EPHA5: variants seen among roughly 807,000 people sequenced by gnomAD.
EPHA5 encodes EPH receptor A5.
Under a neutral mutation model 105.0 loss-of-function variants are expected in EPHA5, and 60 were observed. The ratio of observed to expected loss-of-function variants is 0.57; its 90% CI spans 0.46 to 0.71. The LOEUF is 0.71. Among genes scored for constraint, EPHA5 ranks in the 30% least tolerant of loss-of-function variants. The pLI is 0.00. For synonymous variants in EPHA5, 513 were observed against 449.1 expected (o/e 1.14, Z -1.80); for missense variants, 1,218 against 1,274.7 (o/e 0.96, Z 0.68).
chr4:65,574,667 CACATATATAT>C (rs1190818361), intron 3 of EPHA5, among the ~76,000 whole-genome samples: 13 of 87,206 alleles, frequency 1.5e-4, no homozygotes, highest in Non-Finnish European at 2.4e-4. Context: ...TATATATATA[CACATATATAT>C]ACATATATAT....
At chr4:65,606,145 G>A (rs910319596) in intron 2 of EPHA5, among the ~76,000 whole-genome samples, 2 of 151,982 alleles carry the variant, frequency 1.3e-5, no homozygotes, top group South Asian at 2.1e-4. Context: ...TTTTCCAGAC[G>A]TCATGTAACC....
chr4:65,519,258 C>G (rs1166778339), intron 3 of EPHA5, among the ~76,000 whole-genome samples: 1 of 151,936 alleles, frequency 6.6e-6, no homozygotes, highest in East Asian at 1.9e-4. Context: ...AGCATATAAA[C>G]AGAACCAAAG....
At chr4:65,509,597 A>G (rs571536903) in intron 3 of EPHA5, among the ~76,000 whole-genome samples, 10 of 152,314 alleles carry the variant, frequency 6.6e-5, no homozygotes, top group Non-Finnish European at 1.0e-4. Flanking sequence ...ATTAGACTAT[A>G]TTGTAAAGCA....
At chr4:65,596,893 C>T (rs1448636819) in intron 3 of EPHA5, among the ~76,000 whole-genome samples, 2 of 152,148 alleles carry the variant, frequency 1.3e-5, no homozygotes, top group Non-Finnish European at 2.9e-5. Context: ...GCTCTCTAAT[C>T]CATAATTGCA....
intron 3 of EPHA5, among the ~76,000 whole-genome samples, chr4:65,569,724 T>G (rs1223410252): frequency 2.0e-5 from 3 of 151,684 alleles, no homozygotes; most frequent in African/African-American, 7.2e-5. Flanking sequence ...AGTGAAAAAT[T>G]TTAAAGTTCT....
At chr4:65,600,016 T>TA (rs1323613698) in intron 3 of EPHA5, among the ~76,000 whole-genome samples, 1 of 152,204 alleles carries the variant, frequency 6.6e-6, no homozygotes, top group Non-Finnish European at 1.5e-5. Flanking sequence ...AGTGCTCACA[T>TA]ATTCTCTAAA....
At chr4:65,422,225 G>A (rs1019068507) in intron 5 of EPHA5, among the ~76,000 whole-genome samples, 1 of 152,108 alleles carries the variant, frequency 6.6e-6, no homozygotes, top group African/African-American at 2.4e-5. Flanking sequence ...AATTTCCTCT[G>A]TGACAAGAGC....
At chr4:65,364,931 T>G (rs1717713486) in intron 11 of EPHA5, 86 bp downstream of exon 11, 1 of 1,080,620 alleles carries the variant, frequency 9.3e-7, no homozygotes, top group Non-Finnish European at 1.3e-6. Context: ...TATTACAATC[T>G]TGGTTTCTCT....
chr4:65,578,752 T>C (rs1560726002), intron 3 of EPHA5, among the ~76,000 whole-genome samples: 1 of 152,112 alleles, frequency 6.6e-6, no homozygotes. Context: ...TGAGATTTAA[T>C]ATAAAGATTT....
chr4:65,457,866 A>G (rs1727748349), intron 5 of EPHA5, among the ~76,000 whole-genome samples: 2 of 151,996 alleles, frequency 1.3e-5, no homozygotes, highest in African/African-American at 4.8e-5. Context: ...ATTGCTTAAG[A>G]ATAACTTTTT....
At chr4:65,378,863 T>C (rs1419019166) in intron 8 of EPHA5, among the ~76,000 whole-genome samples, 1 of 151,910 alleles carries the variant, frequency 6.6e-6, no homozygotes, top group East Asian at 1.9e-4. Context: ...CCATAATTGG[T>C]ATTAACTAAC....
At chr4:65,506,133 G>C (rs1478333452) in intron 3 of EPHA5, among the ~76,000 whole-genome samples, 3 of 152,072 alleles carry the variant, frequency 2.0e-5, no homozygotes, top group Non-Finnish European at 4.4e-5. Flanking sequence ...AGTTTGCTGA[G>C]AATGATGGTT....
chr4:65,669,555 T>C lies in EPHA5; in HGVS notation c.181+7A>G. 1 of 1,383,374 alleles carries C rather than the reference T, an allele frequency of 7.2e-7. No homozygotes were observed. Among genetic ancestry groups the C allele is most frequent in the Non-Finnish European group, 9.4e-7 (1 of 1,062,446 alleles). The allele number at this position is 1,383,374 out of a possible 1,614,324, so 85.7% of individuals were successfully genotyped here. The stretch of plus-strand genomic sequence containing the variant: ...GGTCGCCACGGTCCCCACCCCCATC[T>C]CCCTACCTTCGTTGCTGGGGCTGGC... On this transcript the variant is annotated splice_region_variant and intron_variant, in intron 1 of 16. Coordinates refer to ENST00000613740, the MANE Select transcript of EPHA5 (RefSeq NM_001281766.3).
intron 5 of EPHA5, among the ~76,000 whole-genome samples, chr4:65,437,365 T>C (rs1010976459): frequency 2.0e-5 from 3 of 152,040 alleles, no homozygotes; most frequent in Non-Finnish European, 4.4e-5. Context: ...ACTTCCCAAA[T>C]AGGCCTTAAT....
chr4:65,437,937 T>C (rs1725639877), intron 5 of EPHA5, among the ~76,000 whole-genome samples: 1 of 151,996 alleles, frequency 6.6e-6, no homozygotes, highest in African/African-American at 2.4e-5. Context: ...TCCTATGGTG[T>C]CTTATCAGAT....
chr4:65,669,762 G>A lies in EPHA5; in HGVS notation c.-20C>T, dbSNP rs1750305299. 8.0e-7 allele frequency: 1 copy of A among 1,252,180 alleles called. No homozygotes were observed. Among genetic ancestry groups the A allele is most frequent in the African/African-American group, 1.5e-5 (1 of 64,540 alleles). 77.6% of individuals were successfully genotyped at this position (1,252,180 alleles called of 1,614,324 possible). Reference sequence around the variant, plus strand: ...CCGCATCTTCTCCGAGCCTCCTCCGGTGCCGCTGTCCCGAGCGGCTCAGTC... The same window carrying A: ...CCGCATCTTCTCCGAGCCTCCTCCGATGCCGCTGTCCCGAGCGGCTCAGTC... On this transcript the variant is annotated 5_prime_UTR_variant, in exon 1 of 17. Coordinates refer to ENST00000613740, the MANE Select transcript of EPHA5 (RefSeq NM_001281766.3).
At position 65,586,294 on chromosome 4, in the gene EPHA5, C is replaced by T. The variant is rs547189662; in HGVS notation, c.910+15347G>A. On this transcript the variant is annotated intron_variant, in intron 3 of 16. Transcript: ENST00000613740. ...GTACCCAATTTAATATAACTTTTCC[C>T]ACTAAAAGTAACTCCCATATTCAAG... Among the ~76,000 whole-genome samples the T allele has an allele frequency of 2.6e-5, 4 of 151,664 alleles. No individual in the cohort carries two copies. The South Asian group carries it at 8.4e-4, about 32-fold the overall frequency.
chr4:65,496,992 A>C (rs1384573503), intron 3 of EPHA5, among the ~76,000 whole-genome samples: 6 of 152,152 alleles, frequency 3.9e-5, no homozygotes, highest in African/African-American at 1.4e-4. Flanking sequence ...CTACATGTTC[A>C]TATTATTCTT....
chr4:65,397,469 A>G lies in EPHA5; in HGVS notation c.1793+6905T>C, dbSNP rs558014976. Among the ~76,000 whole-genome samples, 18 of 152,244 alleles carry G rather than the reference A, an allele frequency of 1.2e-4. 1 individual carries two copies. In the South Asian group the frequency reaches 3.7e-3, roughly 32 times the overall value. ...AGGACTCCTTAATCCTGAACTCCCA[A>G]GGGATTATCTACCCCCTCAAAAGAG... On this transcript the variant is annotated intron_variant, in intron 8 of 16. Transcript: ENST00000613740.
Sources: allele counts gnomAD v4.1 joint callset (sites outside exome capture counted in the v4.1 genomes callset), GRCh38; gene constraint gnomAD v4.1.1; transcripts MANE v1.5; gene names NCBI Gene and HGNC (gene_info 2026-07-23, HGNC 2026-07-21).